Variants in DDX10 observed in about 807,000 individuals in gnomAD.
DDX10 encodes the protein DEAD-box helicase 10.
A neutral mutation model predicts 104.3 loss-of-function variants in DDX10; 74 were observed. That is an observed-to-expected ratio of 0.71 (90% CI 0.59 to 0.86). DDX10 has a LOEUF of 0.86. Ranked by LOEUF, DDX10 falls within the 40% of genes least tolerant of loss-of-function variation. The pLI, the probability that DDX10 is intolerant of heterozygous loss-of-function variation, is 0.00. For synonymous variants in DDX10, 351 were observed against 353.4 expected (o/e 0.99, Z 0.08); for missense variants, 952 against 1,040.0 (o/e 0.92, Z 1.16).
In DDX10 at chr11:108,940,475, C is replaced by G; in HGVS notation, c.*52C>G. The G allele has an allele frequency of 1.3e-6, 2 of 1,578,696 alleles. No individual in the cohort carries two copies. The highest frequency in any genetic ancestry group is 1.4e-5 in the African/African-American group (1 of 73,632). ...GAAACCTTGGTTATGACTGCGTAGG[C>G]AAGAAGTTGAAAAACAGTTGATTTG... On this transcript the variant is annotated 3_prime_UTR_variant, in exon 18 of 18. Coordinates refer to ENST00000322536, the MANE Select transcript of DDX10 (RefSeq NM_004398.4).
chr11:108,881,815 A>G (rs996553211), intron 16 of DDX10, among the ~76,000 whole-genome samples: 1 of 152,174 alleles, frequency 6.6e-6, no homozygotes, highest in Non-Finnish European at 1.5e-5. Flanking sequence ...TAAGTCAAGG[A>G]GTATCTGTAT....
intron 13 of DDX10, among the ~76,000 whole-genome samples, chr11:108,825,320 A>C (rs577175225): frequency 1.3e-5 from 2 of 152,236 alleles, no homozygotes; most frequent in South Asian, 2.1e-4. Flanking sequence ...ATATATATGA[A>C]AGTTGTTTTT....
chr11:108,733,757 C>T (rs1449653835), intron 13 of DDX10, among the ~76,000 whole-genome samples: 5 of 152,028 alleles, frequency 3.3e-5, no homozygotes, highest in East Asian at 1.9e-4. Flanking sequence ...ATTCTTGGCT[C>T]GGGGGGATAA....
chr11:108,672,564 T>A (rs969019091), intron 1 of DDX10, among the ~76,000 whole-genome samples: 1 of 152,264 alleles, frequency 6.6e-6, no homozygotes, highest in Non-Finnish European at 1.5e-5. Flanking sequence ...AAACACTGCC[T>A]GGGCAATGTT....
chr11:108,920,596 T>C (rs1040152620), intron 17 of DDX10: 1 of 152,162 alleles, frequency 6.6e-6, no homozygotes, highest in African/African-American at 2.4e-5. Context: ...ACAATAAAAG[T>C]TAGGGACAGA....
At chr11:108,907,258 G>A (rs1863609422) in intron 16 of DDX10, among the ~76,000 whole-genome samples, 1 of 151,984 alleles carries the variant, frequency 6.6e-6, no homozygotes, top group African/African-American at 2.4e-5. Context: ...TCTGTACTGA[G>A]GTGGCGTTTG....
At position 108,693,513 on chromosome 11, in the gene DDX10, T is replaced by TAC. The variant is rs2094255590; in HGVS notation, c.1139-2_1139-1insCA. The TAC allele has an allele frequency of 6.2e-7, 1 of 1,612,948 alleles. No individual in the cohort carries two copies. The highest frequency in any genetic ancestry group is 8.5e-7 in the Non-Finnish European group (1 of 1,179,014). ...TTCTTAACTTCACATCCCTTCTCTG[T>TAC]AGATTTCCCGGCCGTGAATTGGGTT... On this transcript the variant is annotated splice_region_variant and splice_polypyrimidine_tract_variant and intron_variant, in intron 8 of 17. Transcript: ENST00000322536.
At chr11:108,734,641 A>G (rs550499279) in intron 13 of DDX10, among the ~76,000 whole-genome samples, 19 of 152,154 alleles carry the variant, frequency 1.2e-4, no homozygotes, top group Admixed American at 1.2e-3. Context: ...ACAATATTCA[A>G]TATTTATAAC....
At chr11:108,787,403 G>A (rs551753476) in intron 13 of DDX10, among the ~76,000 whole-genome samples, 3 of 152,092 alleles carry the variant, frequency 2.0e-5, no homozygotes, top group Non-Finnish European at 4.4e-5. Flanking sequence ...CAGGATTCGG[G>A]AGATTTTCGT....
chr11:108,787,419 A>G (rs1861809525), intron 13 of DDX10, among the ~76,000 whole-genome samples: 1 of 151,916 alleles, frequency 6.6e-6, no homozygotes, highest in Non-Finnish European at 1.5e-5. Flanking sequence ...TTCGTAGAGT[A>G]TATTCTCAAA....
intron 5 of DDX10, among the ~76,000 whole-genome samples, chr11:108,679,047 C>T (rs1009677381): frequency 4.0e-5 from 6 of 151,598 alleles, no homozygotes; most frequent in South Asian, 2.1e-4. Flanking sequence ...TTAGTAGAGG[C>T]GGGGTTTCAC....
At chr11:108,689,094 A>G (rs771251442) in intron 7 of DDX10, 32 bp downstream of exon 7, 1 of 1,609,088 alleles carries the variant, frequency 6.2e-7, no homozygotes, top group Non-Finnish European at 8.5e-7. Context: ...TTCTGAACGT[A>G]TGTTGAATGT....
chr11:108,706,927 C>G, intron 10 of DDX10, 90 bp downstream of exon 10: 1 of 1,035,074 alleles, frequency 9.7e-7, no homozygotes, highest in Non-Finnish European at 1.5e-6. Context: ...GCCCCTTCCC[C>G]TAATTTATTC....
At chr11:108,737,183 A>G (rs371935058) in intron 13 of DDX10, among the ~76,000 whole-genome samples, 6 of 152,204 alleles carry the variant, frequency 3.9e-5, no homozygotes, top group Admixed American at 3.9e-4. Flanking sequence ...TCCTCAACAC[A>G]TTATGATCAG....
chr11:108,863,137 G>A (rs1862962208), intron 16 of DDX10, among the ~76,000 whole-genome samples: 1 of 152,070 alleles, frequency 6.6e-6, no homozygotes, highest in Non-Finnish European at 1.5e-5. Flanking sequence ...ACCATCTACA[G>A]TCTAAAGGTA....
At chr11:108,685,221 A>G (rs1279331814) in intron 6 of DDX10, among the ~76,000 whole-genome samples, 1 of 151,596 alleles carries the variant, frequency 6.6e-6, no homozygotes, top group Non-Finnish European at 1.5e-5. Flanking sequence ...CAGGTGTGGG[A>G]TATAGTCTCG....
intron 1 of DDX10, among the ~76,000 whole-genome samples, chr11:108,668,559 A>G (rs972395911): frequency 6.6e-6 from 1 of 152,196 alleles, no homozygotes; most frequent in Admixed American, 6.5e-5. Flanking sequence ...GGCCCTCACT[A>G]TGTGGCTCCT....
At chr11:108,666,156 C>G (rs887079029) in intron 1 of DDX10, among the ~76,000 whole-genome samples, 1 of 152,212 alleles carries the variant, frequency 6.6e-6, no homozygotes, top group African/African-American at 2.4e-5. Flanking sequence ...CAGCCCCCTT[C>G]TAGTGCAGTA....
At chr11:108,867,644 A>T (rs752983434) in intron 16 of DDX10, among the ~76,000 whole-genome samples, 1 of 152,212 alleles carries the variant, frequency 6.6e-6, no homozygotes, top group Non-Finnish European at 1.5e-5. Context: ...CATTTTAGTC[A>T]TTCCTAACTA....
Sources: allele counts gnomAD v4.1 joint callset (sites outside exome capture counted in the v4.1 genomes callset), GRCh38; gene constraint gnomAD v4.1.1; transcripts MANE v1.5; gene names NCBI Gene and HGNC (gene_info 2026-07-23, HGNC 2026-07-21).